The following KCNMA1 variants were observed in gnomAD, a reference collection of about 807,000 sequenced individuals.
KCNMA1 encodes potassium calcium-activated channel subfamily M alpha 1.
In KCNMA1, 29 loss-of-function variants were observed where a neutral mutation model predicts 140.0. The ratio of observed to expected loss-of-function variants is 0.21; its 90% CI spans 0.15 to 0.28. The LOEUF (loss-of-function observed/expected upper bound fraction) is 0.28, where lower values mean the gene tolerates loss of function less well. Ranked by LOEUF, KCNMA1 falls within the 10% of genes least tolerant of loss-of-function variation. The pLI is 1.00. For synonymous variants in KCNMA1, 612 were observed against 611.9 expected (o/e 1.00, Z 0.00); for missense variants, 880 against 1,602.2 (o/e 0.55, Z 7.70).
chr10:76,891,225 A>G (rs1053802475), intron 26 of KCNMA1, among the ~76,000 whole-genome samples: 11 of 152,262 alleles, frequency 7.2e-5, no homozygotes, highest in African/African-American at 2.7e-4. Context: ...TGAAGCCAGG[A>G]TGCCTTGGTG....
At chr10:77,360,755 C>T (rs1385138738) in intron 2 of KCNMA1, among the ~76,000 whole-genome samples, 1 of 152,184 alleles carries the variant, frequency 6.6e-6, no homozygotes, top group Non-Finnish European at 1.5e-5. Context: ...CCTTTCCTAC[C>T]TGGCCCTTTC....
chr10:77,439,076 G>T (rs1182220587), intron 1 of KCNMA1, among the ~76,000 whole-genome samples: 1 of 113,382 alleles, frequency 8.8e-6, no homozygotes, highest in East Asian at 2.7e-4. Context: ...CTCAAAAAAA[G>T]AAAGAAAAGA....
chr10:77,334,631 G>C (rs183545904), intron 2 of KCNMA1, among the ~76,000 whole-genome samples: 3 of 152,292 alleles, frequency 2.0e-5, no homozygotes, highest in African/African-American at 7.2e-5. Flanking sequence ...ATGGGATGCT[G>C]AGGTCTCTGT....
rs1475232664 is a variant in KCNMA1 at position 77,453,883 on chromosome 10, C to CA, written c.379-49861_379-49860insT. ...TTATACAGGGCTGGGAACGGTTCACCTTCCCACCAGCCAGAGTGGAAACCT... is the reference window on the plus strand; with the variant it reads ...TTATACAGGGCTGGGAACGGTTCACCATTCCCACCAGCCAGAGTGGAAACCT... On this transcript the variant is annotated intron_variant, in intron 1 of 27. Coordinates refer to ENST00000286628, the MANE Select transcript of KCNMA1 (RefSeq NM_001161352.2). Among the ~76,000 whole-genome samples, 8 of 152,222 alleles carry CA rather than the reference C, an allele frequency of 5.3e-5. No homozygotes were observed. In the East Asian group the frequency reaches 1.5e-3, roughly 29 times the overall value.
At chr10:76,978,122 T>G (rs886377131) in intron 19 of KCNMA1, among the ~76,000 whole-genome samples, 3 of 152,172 alleles carry the variant, frequency 2.0e-5, no homozygotes, top group African/African-American at 4.8e-5. Flanking sequence ...TTGCACAGCT[T>G]TAGTTGGAGG....
At chr10:77,409,436 G>T (rs1196748655) in intron 1 of KCNMA1, among the ~76,000 whole-genome samples, 1 of 152,184 alleles carries the variant, frequency 6.6e-6, no homozygotes, top group Non-Finnish European at 1.5e-5. Context: ...AGCCCCAGTT[G>T]CTCTGTTTCC....
intron 1 of KCNMA1, among the ~76,000 whole-genome samples, chr10:77,469,126 T>C (rs1460453349): frequency 6.6e-6 from 1 of 152,134 alleles, no homozygotes; most frequent in Admixed American, 6.6e-5. Flanking sequence ...TTGCTGACTG[T>C]TGTAGGACCC....
intron 1 of KCNMA1, among the ~76,000 whole-genome samples, chr10:77,528,933 G>A (rs2154552474): frequency 6.6e-6 from 1 of 152,288 alleles, no homozygotes; most frequent in South Asian, 2.1e-4. Flanking sequence ...CAGGCTGGAT[G>A]GAGGAGAGAA....
intron 7 of KCNMA1, among the ~76,000 whole-genome samples, chr10:77,110,793 C>T (rs2097301827): frequency 6.6e-6 from 1 of 152,204 alleles, no homozygotes; most frequent in Admixed American, 6.5e-5. Context: ...CTAAACACTT[C>T]CGTAGGGGGC....
chr10:77,433,050 G>A (rs867873493), intron 1 of KCNMA1, among the ~76,000 whole-genome samples: 23 of 152,288 alleles, frequency 1.5e-4, no homozygotes, highest in Middle Eastern at 6.8e-3. Flanking sequence ...AGAGGAGCAG[G>A]ACTCAGGAAT....
intron 15 of KCNMA1, 109 bp downstream of exon 15, chr10:77,039,419 G>T: frequency 1.3e-6 from 1 of 743,804 alleles, no homozygotes; most frequent in Non-Finnish European, 2.5e-6. Context: ...GATACCCTCG[G>T]CAATTGTCAA....
chr10:77,200,054 G>A (rs543976314), intron 3 of KCNMA1, among the ~76,000 whole-genome samples: 31 of 152,220 alleles, frequency 2.0e-4, no homozygotes, highest in Middle Eastern at 3.4e-3. Context: ...AGGTTCAAGC[G>A]ATTCTCCTGC....
chr10:77,120,469 T>G (rs775920314), intron 6 of KCNMA1, among the ~76,000 whole-genome samples: 16 of 152,338 alleles, frequency 1.1e-4, no homozygotes, highest in Admixed American at 4.6e-4. Context: ...ACATCTAAAA[T>G]GTGCTTTGAA....
intron 1 of KCNMA1, among the ~76,000 whole-genome samples, chr10:77,502,656 ACT>A (rs1008690751): frequency 8.6e-5 from 13 of 151,830 alleles, no homozygotes; most frequent in Non-Finnish European, 1.6e-4. Flanking sequence ...CAAAGCCTGA[ACT>A]CTTTCTTCAC....
intron 22 of KCNMA1, among the ~76,000 whole-genome samples, chr10:76,946,377 C>T (rs1451873248): frequency 6.6e-6 from 1 of 151,944 alleles, no homozygotes; most frequent in Non-Finnish European, 1.5e-5. Flanking sequence ...ATTGTGTAGA[C>T]CAAGGGTTTG....
At chr10:77,404,268 C>T (rs957931743) in intron 1 of KCNMA1, among the ~76,000 whole-genome samples, 4 of 151,882 alleles carry the variant, frequency 2.6e-5, no homozygotes, top group African/African-American at 7.3e-5. Flanking sequence ...TGGTATTATT[C>T]TATTCTATTT....
chr10:77,458,715 G>A (rs546681107), intron 1 of KCNMA1, among the ~76,000 whole-genome samples: 2 of 152,300 alleles, frequency 1.3e-5, no homozygotes, highest in African/African-American at 4.8e-5. Flanking sequence ...TTAATGGTCA[G>A]GACACTGCTG....
chr10:77,090,516 C>A lies in KCNMA1; in HGVS notation c.1224-6G>T, dbSNP rs370838557. The stretch of plus-strand genomic sequence containing the variant: ...GTCCGCAGACCACAATGTGCCTGAA[C>A]AGGAGAGGCCAGTTAGATCAGGCCA... On this transcript the variant is annotated splice_polypyrimidine_tract_variant and splice_region_variant and intron_variant, in intron 9 of 27. Coordinates refer to ENST00000286628, the MANE Select transcript of KCNMA1 (RefSeq NM_001161352.2). 1.3e-6 allele frequency: 2 copies of A among 1,592,300 alleles called. No homozygotes were observed. Among genetic ancestry groups the A allele is most frequent in the Non-Finnish European group, 1.7e-6 (2 of 1,160,122 alleles).
intron 2 of KCNMA1, among the ~76,000 whole-genome samples, chr10:77,372,064 C>A (rs1389533945): frequency 2.6e-5 from 4 of 152,138 alleles, no homozygotes; most frequent in African/African-American, 9.7e-5. Flanking sequence ...GTTTGCCTTC[C>A]CCAGAAGGCA....
Sources: allele counts gnomAD v4.1 joint callset (sites outside exome capture counted in the v4.1 genomes callset), GRCh38; gene constraint gnomAD v4.1.1; transcripts MANE v1.5; gene names NCBI Gene and HGNC (gene_info 2026-07-23, HGNC 2026-07-21).